Variants in C2orf76 observed in about 807,000 individuals in gnomAD.
C2orf76 encodes the protein chromosome 2 open reading frame 76.
In C2orf76, 23 loss-of-function variants were observed where a neutral mutation model predicts 16.9. The ratio of observed to expected loss-of-function variants is 1.36; its 90% CI spans 0.98 to 1.93. The LOEUF is 1.93. Ranked by LOEUF, C2orf76 falls within the 30% of genes most tolerant of loss-of-function variation. The pLI is 0.00. For synonymous variants in C2orf76, 48 were observed against 52.3 expected (o/e 0.92, Z 0.35); for missense variants, 152 against 152.6 (o/e 1.00, Z 0.02).
Position 119,358,526 on chromosome 2 carries a change from C to T in C2orf76, c.-13+8264G>A, listed in dbSNP as rs111319554. Among the ~76,000 whole-genome samples, 557 of 147,124 alleles carry T rather than the reference C, an allele frequency of 3.8e-3. 8 individuals are homozygous for T. The highest frequency in any genetic ancestry group is 0.013 in the African/African-American group (528 of 39,904). On this transcript the variant is annotated intron_variant, in intron 1 of 5. Transcript: ENST00000334816. ...CCGGGAGGTGCAGATTGCAGTGAGC[C>T]GAAACTGCACCACTGCACTCCAGCC... is the stretch of plus-strand genomic sequence containing the variant.
chr2:119,325,457 C>CAA (rs59581840), intron 2 of C2orf76, among the ~76,000 whole-genome samples: 10,737 of 58,856 alleles, frequency 0.18, 1,256 homozygotes, highest in Non-Finnish European at 0.2. Context: ...AAGACTGTCT[C>CAA]AAAAAAAAAA....
intron 2 of C2orf76, among the ~76,000 whole-genome samples, chr2:119,329,468 T>C (rs1489179466): frequency 2.0e-5 from 3 of 152,214 alleles, no homozygotes; most frequent in African/African-American, 4.8e-5. Flanking sequence ...TGTCTTTTAA[T>C]TGGGGTATTT....
chr2:119,286,844 C>T, the C2orf76 span, among the ~76,000 whole-genome samples: 3 of 152,232 alleles, frequency 2.0e-5, 1 homozygote, highest in East Asian at 5.8e-4. Context: ...GGAGGCCGTT[C>T]TCATGAGATG....
chr2:119,301,076 A>AACACACACACACACACACAC (rs57577702), downstream of C2orf76, among the ~76,000 whole-genome samples: 20 of 146,240 alleles, frequency 1.4e-4, no homozygotes, highest in South Asian at 8.8e-4. Flanking sequence ...ACTTCTTAAA[A>AACACACACACACACACACAC]ACACACACAC....
At chr2:119,338,517 T>C (rs960121879) in intron 2 of C2orf76, among the ~76,000 whole-genome samples, 4 of 151,964 alleles carry the variant, frequency 2.6e-5, no homozygotes, top group East Asian at 1.9e-4. Flanking sequence ...CTACCTAATC[T>C]GGGGGAGTGA....
At chr2:119,282,717 G>A in the C2orf76 span, among the ~76,000 whole-genome samples, 5 of 152,202 alleles carry the variant, frequency 3.3e-5, no homozygotes, top group African/African-American at 1.2e-4. Flanking sequence ...CATCCCTGGA[G>A]GGAAGGTGCC....
At chr2:119,356,396 CA>C (rs34898813) in intron 1 of C2orf76, among the ~76,000 whole-genome samples, 24,985 of 95,506 alleles carry the variant, frequency 0.26, 2,525 homozygotes, top group East Asian at 0.32. Flanking sequence ...GACTCTGTCT[CA>C]AAAAAAAAAA....
intron 4 of C2orf76, among the ~76,000 whole-genome samples, chr2:119,312,861 A>C (rs934804965): frequency 1.3e-5 from 2 of 152,034 alleles, no homozygotes; most frequent in African/African-American, 4.8e-5. Context: ...CCCCGTCTCT[A>C]TTAAAAATAC....
chr2:119,292,128 A>G, the C2orf76 span, among the ~76,000 whole-genome samples: 2 of 152,152 alleles, frequency 1.3e-5, no homozygotes, highest in Non-Finnish European at 2.9e-5. Flanking sequence ...GCCTTTTCCA[A>G]TTTGTATAAT....
chr2:119,294,938 G>A, the C2orf76 span, among the ~76,000 whole-genome samples: 1 of 152,108 alleles, frequency 6.6e-6, no homozygotes, highest in Non-Finnish European at 1.5e-5. Flanking sequence ...GTCAGGGAGT[G>A]GGATAGTGAG....
At position 119,309,398 on chromosome 2, in the gene C2orf76, CTTTTTTT is replaced by C. The variant is rs1193022536; in HGVS notation, c.304+2217_304+2223del. On this transcript the variant is annotated intron_variant, in intron 5 of 5. Coordinates refer to ENST00000334816, the MANE Select transcript of C2orf76 (RefSeq NM_001322331.2). ...GTAACTTTTCTTTTTTTCTCTTTTTCTTTTTTTTTTTTTTTTTTTTTTTTTTGAGATA... is the reference window on the plus strand; with the variant it reads ...GTAACTTTTCTTTTTTTCTCTTTTTCTTTTTTTTTTTTTTTTTTTGAGATA... Among the ~76,000 whole-genome samples, 42 of 71,382 alleles carry C rather than the reference CTTTTTTT, an allele frequency of 5.9e-4. No individual in the cohort carries two copies. In the South Asian group the frequency reaches 0.019, roughly 32 times the overall value. 46.8% of individuals were successfully genotyped at this position (71,382 alleles called of 152,430 possible).
chr2:119,343,344 T>A (rs1573667853), intron 1 of C2orf76, among the ~76,000 whole-genome samples: 1 of 152,112 alleles, frequency 6.6e-6, no homozygotes, highest in Admixed American at 6.6e-5. Context: ...GAAAGAGACA[T>A]ATAGAAGCCT....
chr2:119,301,791 C>T (rs547297568), downstream of C2orf76, among the ~76,000 whole-genome samples: 1 of 152,158 alleles, frequency 6.6e-6, no homozygotes, highest in South Asian at 2.1e-4. Context: ...AAGCATCCTG[C>T]CGCTTCCTCT....
chr2:119,366,819 C>T lies in C2orf76; in HGVS notation c.-42G>A, dbSNP rs1293140464. On this transcript the variant is annotated 5_prime_UTR_variant, in exon 1 of 6. Transcript: ENST00000334816. ...TCCCGGCGTCCCCTTCGGCTACTCC[C>T]GGCGTTTGCGCAAGCGGTCCCACGT... The T allele has an allele frequency of 1.5e-5, 9 of 591,474 alleles. No homozygotes were observed. The East Asian group carries it at 1.8e-4, about 12-fold the overall frequency. 36.6% of individuals were successfully genotyped at this position (591,474 alleles called of 1,614,324 possible). A position where few individuals can be genotyped will look rare whatever the true frequency, so the allele number is the denominator to read the frequency against.
At chr2:119,365,351 C>A (rs1395922806) in intron 1 of C2orf76, among the ~76,000 whole-genome samples, 1 of 152,206 alleles carries the variant, frequency 6.6e-6, no homozygotes, top group Non-Finnish European at 1.5e-5. Flanking sequence ...AAGAAACCTG[C>A]ATTTCTTACA....
At chr2:119,282,723 G>A in the C2orf76 span, among the ~76,000 whole-genome samples, 5 of 152,180 alleles carry the variant, frequency 3.3e-5, no homozygotes, top group African/African-American at 1.2e-4. Context: ...TGGAGGGAAG[G>A]TGCCACAGAG....
intron 1 of C2orf76, among the ~76,000 whole-genome samples, chr2:119,358,734 AGAGGT>A (rs1680651973): frequency 6.6e-6 from 1 of 152,156 alleles, no homozygotes; most frequent in African/African-American, 2.4e-5. Context: ...GAAGGCTAAG[AGAGGT>A]GAGAAAGCTA....
chr2:119,337,044 T>TTTAC (rs1284019440), intron 2 of C2orf76, among the ~76,000 whole-genome samples: 5 of 111,670 alleles, frequency 4.5e-5, no homozygotes, highest in Non-Finnish European at 7.9e-5. Context: ...GAAAGTTTCA[T>TTTAC]TTATTTATTT....
chr2:119,318,423 T>G (rs1204662791), intron 3 of C2orf76, among the ~76,000 whole-genome samples: 1 of 152,216 alleles, frequency 6.6e-6, no homozygotes, highest in East Asian at 1.9e-4. Flanking sequence ...AAAACAGACC[T>G]TATTTAACTA....
Sources: gnomAD v4.1 joint callset for allele counts (sites outside exome capture counted in the v4.1 genomes callset) on GRCh38, gnomAD v4.1.1 for gene constraint, MANE v1.5 for transcripts, NCBI Gene and HGNC (gene_info 2026-07-23, HGNC 2026-07-21) for gene names.